Variants in CRACD observed in about 807,000 individuals in gnomAD.
CRACD encodes capping protein inhibiting regulator of actin dynamics.
CRACD carries 56 observed loss-of-function variants against 106.8 expected under a neutral mutation model. That is an observed-to-expected ratio of 0.52 (90% CI 0.42 to 0.66). The LOEUF (loss-of-function observed/expected upper bound fraction) is 0.66. Ranked by LOEUF, CRACD falls within the 30% of genes least tolerant of loss-of-function variation. CRACD has a pLI of 0.00. For synonymous variants in CRACD, 754 were observed against 670.8 expected (o/e 1.12, Z -1.92); for missense variants, 1,730 against 1,623.2 (o/e 1.07, Z -1.13).
intron 2 of CRACD, among the ~76,000 whole-genome samples, chr4:56,266,715 G>T (rs1742042359): frequency 6.6e-6 from 1 of 152,166 alleles, no homozygotes; most frequent in Non-Finnish European, 1.5e-5. Context: ...AGCTGCTACT[G>T]ATGACCATGT....
intron 1 of CRACD, among the ~76,000 whole-genome samples, chr4:56,082,934 T>C (rs549927331): frequency 2.7e-5 from 4 of 150,800 alleles, no homozygotes; most frequent in South Asian, 4.2e-4. Flanking sequence ...GAGTAGAAAA[T>C]AGAAACAGGA....
chr4:56,244,569 A>C (rs554990816), intron 2 of CRACD, among the ~76,000 whole-genome samples: 1 of 152,320 alleles, frequency 6.6e-6, no homozygotes, highest in Non-Finnish European at 1.5e-5. Context: ...TGGCTGTATC[A>C]GTTGGTAAAA....
chr4:56,175,026 G>A (rs1170598698), intron 1 of CRACD, among the ~76,000 whole-genome samples: 1 of 152,100 alleles, frequency 6.6e-6, no homozygotes, highest in African/African-American at 2.4e-5. Context: ...AACAGCATGG[G>A]GGAAATCCAT....
chr4:56,067,554 C>T (rs981816000), intron 1 of CRACD, among the ~76,000 whole-genome samples: 12 of 152,296 alleles, frequency 7.9e-5, no homozygotes, highest in African/African-American at 2.9e-4. Flanking sequence ...TTCTGCACTT[C>T]ATTTGCATGA....
At chr4:56,061,013 C>T (rs989702678) in intron 1 of CRACD, among the ~76,000 whole-genome samples, 3 of 152,220 alleles carry the variant, frequency 2.0e-5, no homozygotes, top group East Asian at 1.9e-4. Flanking sequence ...TACAGCAGCC[C>T]GTATAAACTA....
chr4:56,229,412 A>C (rs1560493033), intron 2 of CRACD, among the ~76,000 whole-genome samples: 1 of 152,202 alleles, frequency 6.6e-6, no homozygotes, highest in Admixed American at 6.5e-5. Flanking sequence ...TGTGAGGAAC[A>C]GGGCTTTCGC....
Position 56,139,335 on chromosome 4 carries a change from T to TC in CRACD, c.-335-39949_-335-39948insC, listed in dbSNP as rs1560461949. Among the ~76,000 whole-genome samples, 471 of 149,590 alleles carry TC rather than the reference T, an allele frequency of 3.1e-3. 4 individuals carry two copies. Among genetic ancestry groups the TC allele is most frequent in the African/African-American group, 0.01 (422 of 41,280 alleles). On this transcript the variant is annotated intron_variant, in intron 1 of 10. Coordinates refer to ENST00000682029, the MANE Select transcript of CRACD (RefSeq NM_001393381.1). ...TCTCCCTTCCTCTCTTCCTCTCTCT[T>TC]TCTCTCTCTCTTTCTTTCCCCTCTC...
Position 56,323,472 on chromosome 4 carries a change from C to A in CRACD, c.3283C>A (p.Gln1095Lys), listed in dbSNP as rs373349546. 4 of 1,610,472 alleles carry A rather than the reference C, an allele frequency of 2.5e-6. No homozygotes were observed. The African/African-American group carries it at 5.4e-5, about 22-fold the overall frequency. The change falls in exon 9 of 11, where the codon CAA (glutamine) becomes AAA (lysine). Residue 1095 changes from glutamine (Q) to lysine (K), a missense_variant. Physicochemically the swap from Gln to Lys is moderately conservative, Grantham distance 53 (BLOSUM62 1). Coordinates refer to ENST00000682029, the MANE Select transcript of CRACD (RefSeq NM_001393381.1). The part of the protein sequence containing the change: ...AQPLWITLAL[Q>K]KQKGFREQQA... The stretch of plus-strand genomic sequence containing the variant: ...GCCGCTGTGGATAACGTTAGCACTG[C>A]AAAAGCAAAAGGGGTTTCGGGAGCA...
chr4:56,078,678 A>T (rs530593151), intron 1 of CRACD, among the ~76,000 whole-genome samples: 10 of 152,290 alleles, frequency 6.6e-5, no homozygotes, highest in African/African-American at 2.4e-4. Context: ...GGTCTCCCAA[A>T]GTGCTAGAAG....
intron 3 of CRACD, among the ~76,000 whole-genome samples, chr4:56,279,337 A>G (rs187360550): frequency 1.1e-4 from 17 of 152,322 alleles, no homozygotes; most frequent in Non-Finnish European, 2.2e-4. Context: ...CAGCAAAAGA[A>G]ACTACCATCG....
At chr4:56,210,520 C>G (rs900857992) in intron 2 of CRACD, among the ~76,000 whole-genome samples, 1 of 152,168 alleles carries the variant, frequency 6.6e-6, no homozygotes, top group Admixed American at 6.5e-5. Flanking sequence ...GTTAGGGAGG[C>G]AACTCTAAGT....
chr4:56,246,095 A>G (rs753929219), intron 2 of CRACD, among the ~76,000 whole-genome samples: 2 of 152,032 alleles, frequency 1.3e-5, no homozygotes, highest in Non-Finnish European at 2.9e-5. Flanking sequence ...TTGAGCCCCA[A>G]CCTACTGGCC....
Position 56,266,035 on chromosome 4 carries a change from C to T in CRACD, c.-188-6286C>T, listed in dbSNP as rs188909776. The stretch of plus-strand genomic sequence containing the variant: ...GCCATCAAATGGTATGTAATCATAC[C>T]CTTGAAATAATGGATAATGAGCACT... On this transcript the variant is annotated intron_variant, in intron 2 of 10. Transcript: ENST00000682029. Among the ~76,000 whole-genome samples, 139 of 150,680 alleles carry T rather than the reference C, an allele frequency of 9.2e-4. 1 individual carries two copies. Among genetic ancestry groups the T allele is most frequent in the African/African-American group, 3.2e-3 (131 of 41,040 alleles).
chr4:56,174,479 T>C (rs1044874599), intron 1 of CRACD, among the ~76,000 whole-genome samples: 2 of 152,248 alleles, frequency 1.3e-5, no homozygotes, highest in African/African-American at 4.8e-5. Context: ...ACTATCATTC[T>C]ACTCTGTAGG....
chr4:56,242,948 A>G (rs1740453240), intron 2 of CRACD, among the ~76,000 whole-genome samples: 1 of 152,196 alleles, frequency 6.6e-6, no homozygotes, highest in African/African-American at 2.4e-5. Context: ...ATGCACCCCT[A>G]GAGCGCATGA....
chr4:56,227,038 C>G (rs7672202), intron 2 of CRACD, among the ~76,000 whole-genome samples: 11,681 of 151,996 alleles, frequency 0.077, 1,524 homozygotes, highest in African/African-American at 0.27. Context: ...TCTTACACAG[C>G]CTGCAGATCT....
intron 2 of CRACD, among the ~76,000 whole-genome samples, chr4:56,255,325 A>G (rs954328545): frequency 6.6e-6 from 1 of 152,008 alleles, no homozygotes; most frequent in Non-Finnish European, 1.5e-5. Flanking sequence ...CTCCTCAACA[A>G]TCCTCAATAA....
In CRACD at chr4:56,160,185, A is replaced by AT. The variant is rs544168622; in HGVS notation, c.-335-19082dup. On this transcript the variant is annotated intron_variant, in intron 1 of 10. Coordinates refer to ENST00000682029, the MANE Select transcript of CRACD (RefSeq NM_001393381.1). The stretch of plus-strand genomic sequence containing the variant: ...CTAGCTAAGTCACTCCCATATTTTG[A>AT]TTTTTTTTTTTTTTTTTGAAGAAGT... Among the ~76,000 whole-genome samples the AT allele has an allele frequency of 6.6e-3, 419 of 63,282 alleles. 1 individual carries two copies. The highest frequency in any genetic ancestry group is 0.048 in the Middle Eastern group (4 of 84). The allele number at this position is 63,282 out of a possible 152,430, so 41.5% of individuals were successfully genotyped here. A position where few individuals can be genotyped will look rare whatever the true frequency, so the allele number is the denominator to read the frequency against.
intron 1 of CRACD, among the ~76,000 whole-genome samples, chr4:56,136,276 G>A (rs1024293724): frequency 2.6e-5 from 4 of 152,128 alleles, no homozygotes; most frequent in East Asian, 1.9e-4. Flanking sequence ...GGATAAATAC[G>A]TAGGAGTGAA....
Sources: allele counts gnomAD v4.1 joint callset (sites outside exome capture counted in the v4.1 genomes callset), GRCh38; gene constraint gnomAD v4.1.1; transcripts MANE v1.5; gene names NCBI Gene and HGNC (gene_info 2026-07-23, HGNC 2026-07-21).